BICC1: variants seen among roughly 807,000 people sequenced by gnomAD.
BICC1 encodes the protein protein bicaudal C homolog 1.
A neutral mutation model predicts 111.0 loss-of-function variants in BICC1; 43 were observed. The observed-to-expected ratio is 0.39, with a 90% confidence interval of 0.30 to 0.50. The LOEUF is 0.50. BICC1 is among the 20% of genes least tolerant of loss of function. The pLI is 0.88. For missense variants in BICC1, 1,091 were observed against 1,203.2 expected (o/e 0.91, Z 1.38); for synonymous variants, 467 against 434.4 (o/e 1.07, Z -0.93).
intron 3 of BICC1, among the ~76,000 whole-genome samples, chr10:58,719,287 T>C (rs1017545304): frequency 1.3e-5 from 2 of 152,202 alleles, no homozygotes; most frequent in Non-Finnish European, 2.9e-5. Flanking sequence ...GATTTATATT[T>C]TGTTCCTCAA....
At chr10:58,706,731 T>A (rs963453159) in intron 3 of BICC1, among the ~76,000 whole-genome samples, 12 of 152,186 alleles carry the variant, frequency 7.9e-5, no homozygotes, top group Non-Finnish European at 1.5e-5. Flanking sequence ...CTCTCTCCCC[T>A]GCTGCCATGT....
At chr10:58,551,888 A>G (rs975666343) in intron 1 of BICC1, among the ~76,000 whole-genome samples, 1 of 152,100 alleles carries the variant, frequency 6.6e-6, no homozygotes, top group African/African-American at 2.4e-5. Context: ...TGTTTAGTGC[A>G]AGGAACACCA....
chr10:58,586,983 C>G (rs1405220798), intron 1 of BICC1, among the ~76,000 whole-genome samples: 1 of 152,118 alleles, frequency 6.6e-6, no homozygotes, highest in Non-Finnish European at 1.5e-5. Flanking sequence ...CTGCTGACAG[C>G]TATGGGTTTT....
At chr10:58,794,609 G>C (rs1284429503) in intron 9 of BICC1, among the ~76,000 whole-genome samples, 1 of 151,966 alleles carries the variant, frequency 6.6e-6, no homozygotes, top group Non-Finnish European at 1.5e-5. Context: ...TTGTAGAAAT[G>C]GGGTTTGGCC....
At chr10:58,589,967 G>C (rs1196852490) in intron 1 of BICC1, among the ~76,000 whole-genome samples, 1 of 151,826 alleles carries the variant, frequency 6.6e-6, no homozygotes, top group Non-Finnish European at 1.5e-5. Flanking sequence ...CCCTTTGCCT[G>C]GCTTAAGTTA....
At chr10:58,825,508 TA>T (rs1844369510) in intron 20 of BICC1, among the ~76,000 whole-genome samples, 1 of 152,190 alleles carries the variant, frequency 6.6e-6, no homozygotes, top group South Asian at 2.1e-4. Flanking sequence ...TATAACATGT[TA>T]AAATTTATCA....
rs1336500230 is a variant in BICC1, at chr10:58,620,492, G to T, written c.191-363G>T. Among the ~76,000 whole-genome samples, 4 of 152,208 alleles carry T rather than the reference G, an allele frequency of 2.6e-5. No individual in the cohort carries two copies. The East Asian group carries it at 7.7e-4, about 29-fold the overall frequency. Reference sequence around the variant, plus strand: ...ATACATGAGCCATCTTTGTGCCTGGGATTGATCACAGATAGGAAGTGCTTG... The same window carrying T: ...ATACATGAGCCATCTTTGTGCCTGGTATTGATCACAGATAGGAAGTGCTTG... On this transcript the variant is annotated intron_variant, in intron 1 of 20. Transcript: ENST00000373886.
chr10:58,579,240 A>G (rs1278183973), intron 1 of BICC1, among the ~76,000 whole-genome samples: 4 of 152,100 alleles, frequency 2.6e-5, no homozygotes, highest in Non-Finnish European at 5.9e-5. Flanking sequence ...CTGGCTTGAA[A>G]CTGAAGCTCA....
intron 1 of BICC1, among the ~76,000 whole-genome samples, chr10:58,607,616 C>T (rs1365023159): frequency 6.6e-6 from 1 of 152,094 alleles, no homozygotes; most frequent in African/African-American, 2.4e-5. Flanking sequence ...ATCGGCCTCC[C>T]TCACTTTCTT....
At chr10:58,674,590 T>C (rs548757297) in intron 2 of BICC1, among the ~76,000 whole-genome samples, 1 of 152,270 alleles carries the variant, frequency 6.6e-6, no homozygotes, top group South Asian at 2.1e-4. Flanking sequence ...AGGAAAGTGA[T>C]TCTACCTGAG....
At chr10:58,657,997 A>G (rs918050208) in intron 2 of BICC1, among the ~76,000 whole-genome samples, 1 of 118,594 alleles carries the variant, frequency 8.4e-6, no homozygotes, top group Non-Finnish European at 1.7e-5. Context: ...CTTAGGAAAA[A>G]TTGTGTCAAT....
chr10:58,564,242 A>G (rs1843691268), intron 1 of BICC1, among the ~76,000 whole-genome samples: 2 of 152,076 alleles, frequency 1.3e-5, no homozygotes, highest in Admixed American at 1.3e-4. Context: ...GCTCTCATTT[A>G]TTGTTTATTT....
intron 3 of BICC1, among the ~76,000 whole-genome samples, chr10:58,716,832 C>A (rs12243545): frequency 6.6e-6 from 1 of 151,258 alleles, no homozygotes; most frequent in Non-Finnish European, 1.5e-5. Flanking sequence ...TGCCTTTGAT[C>A]CTCACACATC....
intron 2 of BICC1, among the ~76,000 whole-genome samples, chr10:58,697,596 C>G (rs576264958): frequency 7.4e-4 from 113 of 152,294 alleles, no homozygotes; most frequent in Non-Finnish European, 1.4e-3. Flanking sequence ...TTACCTTTTC[C>G]AGTTCCCTAA....
In BICC1 at chr10:58,817,542, G is replaced by T; in HGVS notation, c.2534-20G>T. ...CTCTGGGCATTTACACTTCAAGCCT[G>T]TCTCTCCTTTGCCTTTCAGCGGAAC... On this transcript the variant is annotated intron_variant, in intron 18 of 20. Coordinates refer to ENST00000373886, the MANE Select transcript of BICC1 (RefSeq NM_001080512.3). 1 of 1,612,978 alleles carries T rather than the reference G, an allele frequency of 6.2e-7. No homozygotes were observed. The highest frequency in any genetic ancestry group is 8.5e-7 in the Non-Finnish European group (1 of 1,179,340).
intron 11 of BICC1, 151 bp from the exon 12 acceptor site, chr10:58,798,905 T>C (rs1391939018): frequency 1.6e-6 from 1 of 611,662 alleles, no homozygotes; most frequent in Non-Finnish European, 2.8e-6. Context: ...TTTGTGTTTT[T>C]ATAGTAAATA....
intron 3 of BICC1, among the ~76,000 whole-genome samples, chr10:58,740,000 G>A (rs1589085885): frequency 6.6e-6 from 1 of 152,246 alleles, no homozygotes. Flanking sequence ...GACCTTGTGG[G>A]TCAGATTGTC....
At chr10:58,812,542 G>C (rs1364066052) in intron 17 of BICC1, among the ~76,000 whole-genome samples, 1 of 150,078 alleles carries the variant, frequency 6.7e-6, no homozygotes, top group African/African-American at 2.5e-5. Context: ...GCAGTGGCAT[G>C]ATCTTGCTCA....
intron 10 of BICC1, 136 bp from the exon 11 acceptor site, chr10:58,798,263 A>G: frequency 1.4e-6 from 1 of 689,996 alleles, no homozygotes; most frequent in East Asian, 3.2e-5. Flanking sequence ...ATTTGAAAGA[A>G]AATCTGTCAT....
Sources: gnomAD v4.1 joint callset for allele counts (sites outside exome capture counted in the v4.1 genomes callset) on GRCh38, gnomAD v4.1.1 for gene constraint, MANE v1.5 for transcripts, NCBI Gene and HGNC (gene_info 2026-07-23, HGNC 2026-07-21) for gene names.